The following LRRC4C variants were observed in gnomAD, a reference collection of about 807,000 sequenced individuals.
LRRC4C encodes leucine rich repeat containing 4C.
In LRRC4C, 5 loss-of-function variants were observed where a neutral mutation model predicts 33.6. The ratio of observed to expected loss-of-function variants is 0.15; its 90% CI spans 0.08 to 0.31. The LOEUF is 0.31. Ranked by LOEUF, LRRC4C falls within the 10% of genes least tolerant of loss-of-function variation. LRRC4C has a pLI of 1.00. For missense variants in LRRC4C, 560 were observed against 796.7 expected, an observed-to-expected ratio of 0.70 and a Z score of 3.58; for synonymous variants, 329 against 302.0, an observed-to-expected ratio of 1.09 and a Z score of -0.93.
intron 4 of LRRC4C, among the ~76,000 whole-genome samples, chr11:40,307,518 CATG>C (rs1477794808): frequency 3.3e-5 from 5 of 152,198 alleles, no homozygotes; most frequent in African/African-American, 1.2e-4. Context: ...TTTCCAACTG[CATG>C]ATATTTCTCC....
chr11:40,822,640 T>C (rs1395834351), intron 2 of LRRC4C, among the ~76,000 whole-genome samples: 1 of 151,716 alleles, frequency 6.6e-6, no homozygotes, highest in Non-Finnish European at 1.5e-5. Flanking sequence ...CTTCACTTTG[T>C]TGGTGGTTTT....
At chr11:40,267,088 G>T (rs2136306658) in intron 4 of LRRC4C, among the ~76,000 whole-genome samples, 1 of 152,052 alleles carries the variant, frequency 6.6e-6, no homozygotes, top group Admixed American at 6.5e-5. Context: ...TTCTCCTCTT[G>T]AGGATAAGGG....
chr11:40,958,978 C>T (rs574310009), intron 1 of LRRC4C, among the ~76,000 whole-genome samples: 1 of 151,798 alleles, frequency 6.6e-6, no homozygotes, highest in Non-Finnish European at 1.5e-5. Context: ...TGCCTGCTAA[C>T]TGGAGCCAGA....
chr11:40,932,814 A>G (rs1298656900), intron 2 of LRRC4C, among the ~76,000 whole-genome samples: 1 of 152,172 alleles, frequency 6.6e-6, no homozygotes, highest in Non-Finnish European at 1.5e-5. Flanking sequence ...AAATGCTGAA[A>G]GAGCTGGAAC....
intron 3 of LRRC4C, among the ~76,000 whole-genome samples, chr11:40,582,289 T>C (rs1231234240): frequency 3.9e-5 from 6 of 152,176 alleles, no homozygotes; most frequent in African/African-American, 1.4e-4. Flanking sequence ...TCCAGATTTA[T>C]CAGTGCATTG....
In LRRC4C at chr11:40,297,245, T is replaced by C. The variant is rs185835015; in HGVS notation, c.-176+22383A>G. On this transcript the variant is annotated intron_variant, in intron 4 of 6. Transcript: ENST00000528697. Reference sequence around the variant, plus strand: ...AAGCACAATACATACTTAAAGTTTGTGTCTTTATGCTGTGTTATAAATCCT... The same window carrying C: ...AAGCACAATACATACTTAAAGTTTGCGTCTTTATGCTGTGTTATAAATCCT... 5.3e-5 allele frequency among the ~76,000 whole-genome samples: 8 copies of C among 152,364 alleles called. No individual in the cohort carries two copies. The East Asian group carries it at 1.5e-3, about 29-fold the overall frequency.
chr11:41,134,804 G>A (rs1186136335), intron 1 of LRRC4C, among the ~76,000 whole-genome samples: 2 of 152,186 alleles, frequency 1.3e-5, no homozygotes, highest in Admixed American at 1.3e-4. Flanking sequence ...GTGAAGGTTA[G>A]GACATCAACA....
At chr11:41,405,971 C>T (rs1486070181) in intron 1 of LRRC4C, among the ~76,000 whole-genome samples, 1 of 152,118 alleles carries the variant, frequency 6.6e-6, no homozygotes, top group African/African-American at 2.4e-5. Context: ...TACAAAGATA[C>T]TGCATCTCAT....
At chr11:40,697,370 TAAGGATCCA>T (rs1423326055) in intron 2 of LRRC4C, among the ~76,000 whole-genome samples, 3 of 152,104 alleles carry the variant, frequency 2.0e-5, no homozygotes, top group African/African-American at 7.2e-5. Context: ...GTGGCTATTT[TAAGGATCCA>T]AAAAAAATTA....
intron 2 of LRRC4C, among the ~76,000 whole-genome samples, chr11:40,921,942 T>A (rs567446201): frequency 7.9e-5 from 12 of 152,206 alleles, no homozygotes; most frequent in Non-Finnish European, 1.6e-4. Context: ...CTCTGTAATA[T>A]TCCTTACAAA....
At chr11:40,395,922 G>A (rs2137496092) in intron 3 of LRRC4C, among the ~76,000 whole-genome samples, 1 of 152,192 alleles carries the variant, frequency 6.6e-6, no homozygotes, top group African/African-American at 2.4e-5. Context: ...GGGAGTCGGA[G>A]GTTGCAGTGA....
At position 41,192,882 on chromosome 11, in the gene LRRC4C, A is replaced by T. The variant is rs189644186; in HGVS notation, c.-495-259159T>A. ...AAGCATCTTCTTCTGATCAAGAGGC[A>T]GCCCATAAGTCCCGAGATGCCATTA... On this transcript the variant is annotated intron_variant, in intron 1 of 6. Transcript: ENST00000528697. Among the ~76,000 whole-genome samples, 4 of 152,280 alleles carry T rather than the reference A, an allele frequency of 2.6e-5. No homozygotes were observed. In the East Asian group the frequency reaches 7.7e-4, roughly 29 times the overall value.
At chr11:40,416,664 T>C (rs1033298126) in intron 3 of LRRC4C, among the ~76,000 whole-genome samples, 1 of 152,184 alleles carries the variant, frequency 6.6e-6, no homozygotes, top group South Asian at 2.1e-4. Flanking sequence ...TTGCTGACAT[T>C]ACCTTTTTGG....
chr11:40,481,774 T>C (rs1044800026), intron 3 of LRRC4C, among the ~76,000 whole-genome samples: 6 of 152,190 alleles, frequency 3.9e-5, no homozygotes, highest in African/African-American at 1.2e-4. Context: ...GTTTGGTCTA[T>C]ATTTCTTTTT....
intron 3 of LRRC4C, among the ~76,000 whole-genome samples, chr11:40,383,529 A>G (rs2137375481): frequency 6.6e-6 from 1 of 151,982 alleles, no homozygotes; most frequent in East Asian, 1.9e-4. Flanking sequence ...TTGTTATCTT[A>G]TTTATTTTTT....
At chr11:40,159,478 G>A (rs2927209) in intron 5 of LRRC4C, among the ~76,000 whole-genome samples, 4,276 of 152,118 alleles carry the variant, frequency 0.028, 198 homozygotes, top group African/African-American at 0.098. Flanking sequence ...AGAAACATGA[G>A]GAAACTGATT....
chr11:40,488,191 T>C (rs1195675039), intron 3 of LRRC4C, among the ~76,000 whole-genome samples: 2 of 152,120 alleles, frequency 1.3e-5, no homozygotes, highest in African/African-American at 4.8e-5. Context: ...AGAATTTGCA[T>C]GCGTGTAAGC....
At chr11:40,957,286 T>G (rs1958999516) in intron 1 of LRRC4C, among the ~76,000 whole-genome samples, 1 of 151,768 alleles carries the variant, frequency 6.6e-6, no homozygotes. Flanking sequence ...CAATTGTAGG[T>G]GACAGGCGGG....
intron 5 of LRRC4C, among the ~76,000 whole-genome samples, chr11:40,216,501 G>A (rs1440720215): frequency 1.3e-5 from 2 of 152,094 alleles, no homozygotes. Flanking sequence ...CTTCCAGATG[G>A]AAGACAATGT....
Sources: allele counts gnomAD v4.1 joint callset (sites outside exome capture counted in the v4.1 genomes callset), GRCh38; gene constraint gnomAD v4.1.1; transcripts MANE v1.5; gene names NCBI Gene and HGNC (gene_info 2026-07-23, HGNC 2026-07-21).